Variants in INSL6 observed in about 807,000 individuals in gnomAD.
INSL6 encodes insulin-like peptide INSL6.
Under a neutral mutation model 9.4 loss-of-function variants are expected in INSL6, and 16 were observed. The ratio of observed to expected loss-of-function variants is 1.70; its 90% CI spans 1.15 to 2.59. The LOEUF (loss-of-function observed/expected upper bound fraction) is 2.59. INSL6 is among the 30% of genes most tolerant of loss of function. The probability of loss-of-function intolerance (pLI) is 0.00; values close to 1 mark genes in which losing one functional copy is unlikely to be tolerated. For missense variants in INSL6, 391 were observed against 257.3 expected (o/e 1.52, Z -3.56); for synonymous variants, 154 against 96.9 (o/e 1.59, Z -3.46).
the INSL6 span, among the ~76,000 whole-genome samples, chr9:5,000,874 A>T: frequency 6.6e-6 from 1 of 152,220 alleles, no homozygotes; most frequent in Non-Finnish European, 1.5e-5. Context: ...TGGTTTGCAT[A>T]TGAAAAGTTG....
chr9:5,124,108 A>G (rs994043404), exon 4 of INSL6, among the ~76,000 whole-genome samples: 19 of 151,834 alleles, frequency 1.3e-4, no homozygotes, highest in Admixed American at 1.2e-3. Flanking sequence ...TCTGGATGGT[A>G]GTTCCTTGTC....
the INSL6 span, among the ~76,000 whole-genome samples, chr9:5,023,512 T>C: frequency 4.6e-5 from 7 of 152,172 alleles, no homozygotes; most frequent in African/African-American, 1.4e-4. Context: ...CAGCCCTCTA[T>C]GTGAATTTTT....
At chr9:5,010,295 C>T in the INSL6 span, among the ~76,000 whole-genome samples, 2 of 151,660 alleles carry the variant, frequency 1.3e-5, no homozygotes, top group African/African-American at 2.4e-5. Context: ...TACCATACAC[C>T]GTTATTATTC....
chr9:5,097,043 C>A, the INSL6 span: 1 of 152,154 alleles, frequency 6.6e-6, no homozygotes. Context: ...ACTGGCTGAA[C>A]AGTTTATCCC....
At chr9:5,058,758 T>C in the INSL6 span, among the ~76,000 whole-genome samples, 3 of 152,234 alleles carry the variant, frequency 2.0e-5, no homozygotes, top group African/African-American at 2.4e-5. Flanking sequence ...AGTATCTCAT[T>C]GTGATTTTGA....
downstream of INSL6, among the ~76,000 whole-genome samples, chr9:5,122,186 T>C (rs1254826295): frequency 6.6e-6 from 1 of 152,160 alleles, no homozygotes; most frequent in Admixed American, 6.5e-5. Context: ...ACATTTTTAA[T>C]ATCAGTCTAA....
At chr9:5,002,992 C>T in the INSL6 span, among the ~76,000 whole-genome samples, 1 of 151,858 alleles carries the variant, frequency 6.6e-6, no homozygotes, top group Non-Finnish European at 1.5e-5. Flanking sequence ...TTGAAATGAC[C>T]AATATTTCTT....
At chr9:5,113,068 C>G in the INSL6 span, among the ~76,000 whole-genome samples, 2 of 152,062 alleles carry the variant, frequency 1.3e-5, no homozygotes, top group African/African-American at 4.8e-5. Context: ...TCCCTGGGAC[C>G]CCGGCTCACC....
At chr9:5,112,507 C>A in the INSL6 span, 1 of 565,450 alleles carries the variant, frequency 1.8e-6, no homozygotes, top group East Asian at 3.1e-5. Context: ...GGAAGATGAC[C>A]TTTTCCCCCC....
chr9:5,102,629 A>C, the INSL6 span, among the ~76,000 whole-genome samples: 1 of 152,200 alleles, frequency 6.6e-6, no homozygotes, highest in Non-Finnish European at 1.5e-5. Flanking sequence ...AAAAATGTTA[A>C]GGGCAGCCAG....
At chr9:5,111,783 C>T in the INSL6 span, 1 of 422,910 alleles carries the variant, frequency 2.4e-6, no homozygotes, top group East Asian at 6.4e-5. Flanking sequence ...GCTGCATCCA[C>T]CTTCTCCTTG....
At chr9:5,082,309 C>G in the INSL6 span, among the ~76,000 whole-genome samples, 1 of 152,194 alleles carries the variant, frequency 6.6e-6, no homozygotes, top group Non-Finnish European at 1.5e-5. Context: ...GGAAAGGAAT[C>G]TGTGTCACAA....
intron 3 of INSL6, among the ~76,000 whole-genome samples, chr9:5,124,558 T>C (rs1050604756): frequency 1.3e-4 from 19 of 151,644 alleles, no homozygotes; most frequent in African/African-American, 3.9e-4. Flanking sequence ...GAAAAAACAA[T>C]CCTAAAATTC....
intron 1 of INSL6, among the ~76,000 whole-genome samples, chr9:5,170,393 A>G (rs1022670074): frequency 1.3e-5 from 2 of 151,902 alleles, no homozygotes; most frequent in Non-Finnish European, 2.9e-5. Context: ...GCCCATATCA[A>G]AAAGGTAGAT....
the INSL6 span, among the ~76,000 whole-genome samples, chr9:5,087,341 T>C: frequency 6.6e-6 from 1 of 152,170 alleles, no homozygotes. Flanking sequence ...ATGAGAACTA[T>C]CACGAGAACA....
chr9:5,163,718 T>C (rs536523142), downstream of INSL6: 3 of 541,442 alleles, frequency 5.5e-6, no homozygotes, highest in East Asian at 3.1e-5. Flanking sequence ...AAAAAGCGTA[T>C]GAAAACTAAG....
the INSL6 span, among the ~76,000 whole-genome samples, chr9:5,042,147 T>C: frequency 1.7e-5 from 2 of 118,434 alleles, no homozygotes; most frequent in East Asian, 2.4e-4. Flanking sequence ...TTTTTTTTTT[T>C]TGAGACGGAG....
the INSL6 span, chr9:5,077,622 T>G: frequency 1.6e-6 from 2 of 1,276,862 alleles, no homozygotes; most frequent in Non-Finnish European, 2.1e-6. Flanking sequence ...CTATTTTATT[T>G]TATAAAACAA....
At chr9:5,095,336 T>C in the INSL6 span, among the ~76,000 whole-genome samples, 4 of 151,970 alleles carry the variant, frequency 2.6e-5, no homozygotes, top group African/African-American at 4.8e-5. Flanking sequence ...GGAATAAATA[T>C]AGTAGTTCTT....
Sources: gnomAD v4.1 joint callset for allele counts (sites outside exome capture counted in the v4.1 genomes callset) on GRCh38, gnomAD v4.1.1 for gene constraint, MANE v1.5 for transcripts, NCBI Gene and HGNC (gene_info 2026-07-23, HGNC 2026-07-21) for gene names.